The following PTGER3 variants were observed in gnomAD, a reference collection of about 807,000 sequenced individuals.
PTGER3 encodes the protein prostaglandin E receptor 3, also known as prostaglandin E2 receptor EP3 subtype.
Under a neutral mutation model 34.7 loss-of-function variants are expected in PTGER3, and 22 were observed. That is an observed-to-expected ratio of 0.63 (90% confidence interval 0.45 to 0.91). The LOEUF (loss-of-function observed/expected upper bound fraction) is 0.91. PTGER3 is among the 40% of genes least tolerant of loss of function. PTGER3 has a pLI of 0.00. For synonymous variants in PTGER3, 241 were observed against 230.1 expected, an observed-to-expected ratio of 1.05 and a Z score of -0.43; for missense variants, 468 against 519.4, an observed-to-expected ratio of 0.90 and a Z score of 0.96.
At chr1:71,039,344 G>A (rs1208123678) in intron 1 of PTGER3, among the ~76,000 whole-genome samples, 1 of 152,028 alleles carries the variant, frequency 6.6e-6, no homozygotes, top group Non-Finnish European at 1.5e-5. Context: ...GTGGCAGGGG[G>A]AGGGAAGGAG....
At chr1:70,909,040 G>A (rs1647008405) in intron 4 of PTGER3, among the ~76,000 whole-genome samples, 1 of 152,172 alleles carries the variant, frequency 6.6e-6, no homozygotes, top group Non-Finnish European at 1.5e-5. Flanking sequence ...GCATGCAAAT[G>A]AGGATGCTTA....
rs1651229864 is a variant in PTGER3 at position 70,955,522 on chromosome 1, G to GAA, written c.1078-1734_1078-1733insTT. Among the ~76,000 whole-genome samples the GAA allele has an allele frequency of 2.6e-5, 4 of 152,144 alleles. No homozygotes were observed. The South Asian group carries it at 8.3e-4, about 32-fold the overall frequency. On this transcript the variant is annotated intron_variant, in intron 2 of 3. Transcript: ENST00000356595. ...GAAAGGAAGAAGGGAAGGAAGATAA[G>GAA]GAGGAAGGGAGAGAGGGGAAAAGTC... is the stretch of plus-strand genomic sequence containing the variant.
chr1:71,011,850 T>C (rs536387139), intron 2 of PTGER3: 2 of 1,016,114 alleles, frequency 2.0e-6, no homozygotes, highest in Admixed American at 5.4e-5. Flanking sequence ...CTATCCCTTG[T>C]CTTCAATGAT....
At chr1:70,869,304 C>A (rs1449181079) in intron 4 of PTGER3, 1 of 471,602 alleles carries the variant, frequency 2.1e-6, no homozygotes, top group Non-Finnish European at 4.4e-6. Context: ...AAACACCTTC[C>A]ATCAGGCCCC....
chr1:70,998,232 A>T (rs1020840737), intron 2 of PTGER3: 1 of 152,248 alleles, frequency 6.6e-6, no homozygotes, highest in Admixed American at 6.5e-5. Context: ...CATAACAATG[A>T]TTAAGTTTGA....
chr1:70,923,550 G>C (rs11209717), intron 4 of PTGER3, among the ~76,000 whole-genome samples: 61,466 of 151,954 alleles, frequency 0.4, 12,865 homozygotes, highest in Middle Eastern at 0.52. Context: ...AAAAATCTTT[G>C]AGAACACTCT....
At chr1:70,919,968 G>T (rs530706749) in intron 4 of PTGER3, among the ~76,000 whole-genome samples, 1 of 152,192 alleles carries the variant, frequency 6.6e-6, no homozygotes, top group African/African-American at 2.4e-5. Flanking sequence ...AAGATATCTT[G>T]CCAATTATAA....
At chr1:70,913,107 T>C (rs1647097276) in intron 4 of PTGER3, among the ~76,000 whole-genome samples, 1 of 152,014 alleles carries the variant, frequency 6.6e-6, no homozygotes, top group African/African-American at 2.4e-5. Flanking sequence ...CAATATTTAA[T>C]TTTTCATTTT....
chr1:71,021,315 G>C (rs988228163), intron 1 of PTGER3, among the ~76,000 whole-genome samples: 2 of 152,120 alleles, frequency 1.3e-5, no homozygotes, highest in African/African-American at 4.8e-5. Context: ...TGTAAATTCT[G>C]TATGACTTGG....
Position 71,028,834 on chromosome 1 carries a change from G to A in PTGER3, c.898-16350C>T, listed in dbSNP as rs115618140. Among the ~76,000 whole-genome samples the A allele has an allele frequency of 7.8e-3, 1,187 of 152,150 alleles. 20 individuals carry two copies. The highest frequency in any genetic ancestry group is 0.027 in the African/African-American group (1,140 of 41,500). On this transcript the variant is annotated intron_variant, in intron 1 of 3. Transcript: ENST00000306666. ...TTTTTATTACTAACAACAAAGTGGA[G>A]ACAATAAAAGTAAAGAATAAAGAAA...
rs1489116587 is a variant in PTGER3 at position 71,011,954 on chromosome 1, A to G, written c.1077+351T>C. The G allele has an allele frequency of 3.9e-6, 5 of 1,275,940 alleles. No individual in the cohort carries two copies. The Admixed American group carries it at 1.6e-4, about 40-fold the overall frequency. 79.0% of individuals were successfully genotyped at this position (1,275,940 alleles called of 1,614,324 possible). Reference sequence around the variant, plus strand: ...AAGATCATTTATAAAAAATGTTTTCATCACATAATTAATCACATATTCAGC... The same window carrying G: ...AAGATCATTTATAAAAAATGTTTTCGTCACATAATTAATCACATATTCAGC... On this transcript the variant is annotated intron_variant, in intron 2 of 3. Coordinates refer to ENST00000306666, the MANE Select transcript of PTGER3 (RefSeq NM_198719.2).
At chr1:70,980,298 A>T (rs1654134776) in intron 2 of PTGER3, among the ~76,000 whole-genome samples, 1 of 152,112 alleles carries the variant, frequency 6.6e-6, no homozygotes, top group African/African-American at 2.4e-5. Flanking sequence ...ATAGCCAAAA[A>T]CCTTAGGCAG....
rs111580485 is a variant in PTGER3 at position 70,965,541 on chromosome 1, G to GT, written c.1078-11753dup. Among the ~76,000 whole-genome samples the GT allele has an allele frequency of 4.6e-3, 698 of 152,164 alleles. 12 individuals are homozygous for GT. Among genetic ancestry groups the GT allele is most frequent in the African/African-American group, 0.016 (656 of 41,500 alleles). Reference sequence around the variant, plus strand: ...CTTTATTTTTCTTCCTTTTTCAAAAGTTTTTTTAAGACTATATTACTATCT... The same window carrying GT: ...CTTTATTTTTCTTCCTTTTTCAAAAGTTTTTTTTAAGACTATATTACTATCT... On this transcript the variant is annotated intron_variant, in intron 2 of 3. Coordinates refer to the PTGER3 transcript ENST00000356595.
intron 2 of PTGER3, among the ~76,000 whole-genome samples, chr1:70,979,241 T>A (rs1265444640): frequency 6.6e-6 from 1 of 152,064 alleles, no homozygotes; most frequent in Non-Finnish European, 1.5e-5. Flanking sequence ...AATGAATGAT[T>A]TCTTCTACAT....
chr1:70,865,578 G>T, intron 4 of PTGER3: 1 of 1,214,134 alleles, frequency 8.2e-7, no homozygotes, highest in East Asian at 4.8e-5. Flanking sequence ...AAGATAGGTG[G>T]GACAACAGAG....
chr1:71,028,822 C>A (rs1046034514), intron 1 of PTGER3, among the ~76,000 whole-genome samples: 1 of 152,050 alleles, frequency 6.6e-6, no homozygotes, highest in Non-Finnish European at 1.5e-5. Flanking sequence ...TTATTACTAA[C>A]AACAAAGTGG....
intron 2 of PTGER3, among the ~76,000 whole-genome samples, chr1:70,995,031 T>G (rs1384543232): frequency 6.6e-6 from 1 of 152,022 alleles, no homozygotes; most frequent in Non-Finnish European, 1.5e-5. Flanking sequence ...CACTGTAATA[T>G]AAGTAGAGCA....
At chr1:70,915,508 G>A (rs546928260) in intron 4 of PTGER3, among the ~76,000 whole-genome samples, 61 of 152,062 alleles carry the variant, frequency 4.0e-4, no homozygotes, top group African/African-American at 1.5e-3. Context: ...TTTGAAGTCA[G>A]ATTGTTGTCT....
At chr1:70,949,202 A>G (rs1196946077), downstream of PTGER3, among the ~76,000 whole-genome samples, 1 of 152,160 alleles carries the variant, frequency 6.6e-6, no homozygotes, top group Non-Finnish European at 1.5e-5. Context: ...TTCTGAGGTT[A>G]ATGGCTCCTC....
Sources: allele counts gnomAD v4.1 joint callset (sites outside exome capture counted in the v4.1 genomes callset), GRCh38; gene constraint gnomAD v4.1.1; transcripts MANE v1.5; gene names NCBI Gene and HGNC (gene_info 2026-07-23, HGNC 2026-07-21).